TKFC: variants seen among roughly 807,000 people sequenced by gnomAD.
TKFC encodes the protein triokinase/FMN cyclase.
In TKFC, 46 loss-of-function variants were observed where a neutral mutation model predicts 61.0. The observed-to-expected ratio is 0.75, with a 90% CI of 0.60 to 0.96. The LOEUF (loss-of-function observed/expected upper bound fraction) is 0.96, where lower values mean the gene tolerates loss of function less well. Ranked by LOEUF, TKFC falls within the 50% of genes least tolerant of loss-of-function variation. TKFC has a pLI of 0.00. For missense variants in TKFC, 715 were observed against 777.5 expected (o/e 0.92, Z 0.96); for synonymous variants, 314 against 330.1 (o/e 0.95, Z 0.53).
chr11:61,340,042 A>G (rs769089056), intron 5 of TKFC, among the ~76,000 whole-genome samples: 3 of 149,646 alleles, frequency 2.0e-5, no homozygotes, highest in Non-Finnish European at 4.4e-5. Flanking sequence ...GCAGAGTCTC[A>G]CTCTGTTGCC....
At chr11:61,344,807 C>T (rs1250961234) in intron 13 of TKFC, among the ~76,000 whole-genome samples, 2 of 152,350 alleles carry the variant, frequency 1.3e-5, no homozygotes, top group East Asian at 3.9e-4. Context: ...CAGTGAAAAG[C>T]TCTTAACTGT....
intron 5 of TKFC, 94 bp downstream of exon 5, chr11:61,339,529 C>T (rs1291514327): frequency 2.2e-6 from 3 of 1,374,364 alleles, no homozygotes; most frequent in Non-Finnish European, 2.0e-6. Flanking sequence ...CAGCCCTTCC[C>T]CAAGAAGCTA....
chr11:61,350,467 G>C (rs1021583073), downstream of TKFC: 32 of 1,606,276 alleles, frequency 2.0e-5, no homozygotes, highest in Non-Finnish European at 2.7e-5. Context: ...CATGATGCAG[G>C]AGTCACACCA....
At position 61,347,671 on chromosome 11, in the gene TKFC, C is replaced by A. The variant is rs1857203602; in HGVS notation, c.*1168C>A. 20 of 985,396 alleles carry A rather than the reference C, an allele frequency of 2.0e-5. No individual in the cohort carries two copies. The highest frequency in any genetic ancestry group is 1.0e-3 in the Middle Eastern group (2 of 1,914). 61.0% of individuals were successfully genotyped at this position (985,396 alleles called of 1,614,324 possible). A position where few individuals can be genotyped will look rare whatever the true frequency, so the allele number is the denominator to read the frequency against. Reference sequence around the variant, plus strand: ...GGAGACAAACAGCACATGCCTGGCACACATGTAGGGTAGGGAGTGGTTAAA... The same window carrying A: ...GGAGACAAACAGCACATGCCTGGCAAACATGTAGGGTAGGGAGTGGTTAAA... On this transcript the variant is annotated 3_prime_UTR_variant, in exon 18 of 18. Coordinates refer to ENST00000394900, the MANE Select transcript of TKFC (RefSeq NM_015533.4).
At chr11:61,336,720 C>G (rs115437438) in intron 2 of TKFC, among the ~76,000 whole-genome samples, 1,527 of 152,290 alleles carry the variant, frequency 0.01, 39 homozygotes, top group African/African-American at 0.035. Context: ...TTCTGGCCCC[C>G]ACGCTACTCA....
Position 61,341,429 on chromosome 11 carries a change from G to A in TKFC, c.487-7G>A, listed in dbSNP as rs746230804. 2.8e-5 allele frequency: 43 copies of A among 1,552,580 alleles called. No individual in the cohort carries two copies. The highest frequency in any genetic ancestry group is 2.1e-4 in the South Asian group (18 of 84,164). ...CCCCTGGGGCTTTTACCTCTTTGTG[G>A]CTGCAGGTGGCAGGTGCTCTGGCTG... On this transcript the variant is annotated splice_region_variant and splice_polypyrimidine_tract_variant and intron_variant, in intron 5 of 17. Coordinates refer to ENST00000394900, the MANE Select transcript of TKFC (RefSeq NM_015533.4).
chr11:61,346,428 G>A lies in TKFC; in HGVS notation c.1653G>A (p.Arg551=), dbSNP rs1323312329. 6.2e-7 allele frequency: 1 copy of A among 1,611,812 alleles called. No homozygotes were observed. Among genetic ancestry groups the A allele is most frequent in the Admixed American group, 1.7e-5 (1 of 60,020 alleles). ...GAGCCAGTTATATCAGCTCAGCACG[G>A]CTGGAGCAGCCAGACCCCGGGGCGG... ...AGRASYISSA[R]LEQPDPGAVA... is the part of the protein sequence containing the mutation. The change falls in exon 18 of 18, where the codon CGG becomes CGA. Residue 551 remains arginine, a synonymous_variant. Coordinates refer to ENST00000394900, the MANE Select transcript of TKFC (RefSeq NM_015533.4). The surrounding 1 kb of genome is among the most constrained non-coding windows in gnomAD (Gnocchi z 4.1).
chr11:61,353,258 C>T (rs754347353), downstream of TKFC: 23 of 1,308,846 alleles, frequency 1.8e-5, no homozygotes, highest in Non-Finnish European at 2.1e-5. Context: ...CTCAAACCTT[C>T]CCACCTGGCA....
At chr11:61,350,135 C>G, downstream of TKFC, 1 of 582,812 alleles carries the variant, frequency 1.7e-6, no homozygotes, top group Non-Finnish European at 3.1e-6. Context: ...GCAGGCCCAG[C>G]ACCCAGGCAA....
rs1290876625 is a variant in TKFC, at chr11:61,342,839, C to A, written c.860C>A (p.Ser287Tyr). ...LGIIADATVR[S>Y]LEGRGVKIAR... ...ATCATAGCCGACGCTACCGTCCGCT[C>A]CCTGGGTGAGCCATGCACTGGGAAG... The change falls in exon 10 of 18, where the codon TCC becomes TAC. Residue 287 changes from serine (S) to tyrosine (Y), a missense_variant. By Grantham distance (144) the Ser-to-Tyr change is moderately radical. Coordinates refer to ENST00000394900, the MANE Select transcript of TKFC (RefSeq NM_015533.4). 6.2e-7 allele frequency: 1 copy of A among 1,613,948 alleles called. No homozygotes were observed. Among genetic ancestry groups the A allele is most frequent in the South Asian group, 1.1e-5 (1 of 91,070 alleles).
Position 61,347,447 on chromosome 11 carries a change from G to A in TKFC, c.*944G>A. 1.1e-6 allele frequency: 1 copy of A among 948,780 alleles called. No individual in the cohort carries two copies. The highest frequency in any genetic ancestry group is 1.3e-6 in the Non-Finnish European group (1 of 796,948). The allele number at this position is 948,780 out of a possible 1,614,324, so 58.8% of individuals were successfully genotyped here. On this transcript the variant is annotated 3_prime_UTR_variant, in exon 18 of 18. Coordinates refer to ENST00000394900, the MANE Select transcript of TKFC (RefSeq NM_015533.4). ...GTCCTAACTTGGGAGGCTGAGTTGG[G>A]AGGATGGCTTGGGCCCAGGAGGTCG...
chr11:61,345,661 G>A, intron 15 of TKFC, 51 bp from the exon 16 acceptor site: 1 of 1,614,022 alleles, frequency 6.2e-7, no homozygotes, highest in South Asian at 1.1e-5. Flanking sequence ...CCCTCAGAGT[G>A]ATTCCCTTGG....
intron 2 of TKFC, among the ~76,000 whole-genome samples, chr11:61,337,068 G>T (rs530850800): frequency 4.6e-5 from 7 of 152,248 alleles, no homozygotes; most frequent in African/African-American, 1.7e-4. Context: ...GTGCACGTGC[G>T]CTCCTCGTGT....
chr11:61,338,246 G>A (rs1856699018), intron 3 of TKFC, 116 bp downstream of exon 3: 2 of 1,029,588 alleles, frequency 1.9e-6, no homozygotes, highest in Non-Finnish European at 2.7e-6. Flanking sequence ...AGGAACTGGG[G>A]TACTTCCCAC....
chr11:61,345,714 A>G lies in TKFC; in HGVS notation c.1454A>G (p.Tyr485Cys), dbSNP rs967589574. Residue 485 changes from tyrosine to cysteine, a missense_variant and splice_region_variant, in exon 16 of 18, where the codon TAT becomes TGT. Tyr to Cys is a radical substitution (Grantham distance 194, BLOSUM62 -2). Transcript: ENST00000394900. ...CTTTCACTCTCTTTCCCTGCCAGGT[A>G]TGGCAAGGCTGCTCCAGGGGACAGG... ...MDAGLEAMQK[Y>C]GKAAPGDRTM... is the part of the protein sequence containing the mutation. 2 of 1,614,208 alleles carry G rather than the reference A, an allele frequency of 1.2e-6. No homozygotes were observed. The highest frequency in any genetic ancestry group is 1.7e-6 in the Non-Finnish European group (2 of 1,180,032).
Position 61,346,095 on chromosome 11 carries a change from GT to G in TKFC, c.1575+151del. On this transcript the variant is annotated intron_variant, in intron 17 of 17. Transcript: ENST00000394900. This position sits in a 1 kb window ranked among gnomAD's most constrained non-coding sequence, Gnocchi z 4.1. ...AGATGAGCACCTATCTCAGAAGGTG[GT>G]TATGTGGCTAAGGAAATATGTAGAG... The G allele has an allele frequency of 8.8e-7, 1 of 1,130,410 alleles. No homozygotes were observed. Among genetic ancestry groups the G allele is most frequent in the Non-Finnish European group, 1.2e-6 (1 of 812,048 alleles). 70.0% of individuals were successfully genotyped at this position (1,130,410 alleles called of 1,614,324 possible).
chr11:61,334,620 GTGC>G lies in TKFC; in HGVS notation c.-99_-97del. 1 of 1,451,936 alleles carries G rather than the reference GTGC, an allele frequency of 6.9e-7. No homozygotes were observed. Among genetic ancestry groups the G allele is most frequent in the Middle Eastern group, 1.8e-4 (1 of 5,694 alleles). The allele number at this position is 1,451,936 out of a possible 1,614,324, so 89.9% of individuals were successfully genotyped here. On this transcript the variant is annotated splice_region_variant and 5_prime_UTR_variant, in exon 2 of 18. Coordinates refer to ENST00000394900, the MANE Select transcript of TKFC (RefSeq NM_015533.4). ...CTTGTATCGTTACCCACTCCTGCAG[GTGC>G]TGCTGCTGCCTCCACTGTACTCAGA...
Position 61,348,540 on chromosome 11 carries a change from C to A in TKFC, c.*2037C>A, listed in dbSNP as rs934030144. On this transcript the variant is annotated 3_prime_UTR_variant, in exon 18 of 18. Transcript: ENST00000394900. ...ATTCCTGTGTTGAAAGGCTCACCCCCACTATGGTAGTGTTAGGACGTGGGG... is the reference window on the plus strand; with the variant it reads ...ATTCCTGTGTTGAAAGGCTCACCCCAACTATGGTAGTGTTAGGACGTGGGG... The A allele has an allele frequency of 2.3e-5, 22 of 975,324 alleles. No individual in the cohort carries two copies. The highest frequency in any genetic ancestry group is 4.9e-6 in the Non-Finnish European group (4 of 820,856). 60.4% of individuals were successfully genotyped at this position (975,324 alleles called of 1,614,324 possible).
chr11:61,341,403 C>A, intron 5 of TKFC, 33 bp from the exon 6 acceptor site: 3 of 1,550,572 alleles, frequency 1.9e-6, no homozygotes, highest in Non-Finnish European at 2.6e-6. Context: ...TGATACCCTC[C>A]CCCCTGGGGC....
Sources: gnomAD v4.1 joint callset for allele counts (sites outside exome capture counted in the v4.1 genomes callset) on GRCh38, gnomAD v4.1.1 for gene constraint, Gnocchi (gnomAD v3.1) non-coding constraint, MANE v1.5 for transcripts, NCBI Gene and HGNC (gene_info 2026-07-23, HGNC 2026-07-21) for gene names.